The following EIF4E3 variants were observed in gnomAD, a reference collection of about 807,000 sequenced individuals.
EIF4E3 encodes eukaryotic translation initiation factor 4E family member 3.
In EIF4E3, 26 loss-of-function variants were observed where a neutral mutation model predicts 31.7. The ratio of observed to expected loss-of-function variants is 0.82; its 90% CI spans 0.60 to 1.14. EIF4E3 has a LOEUF of 1.14. EIF4E3 is among the 50% of genes most tolerant of loss of function. The probability of loss-of-function intolerance (pLI) is 0.00; values close to 1 mark genes in which losing one functional copy is unlikely to be tolerated. For missense variants in EIF4E3, 304 were observed against 270.9 expected (o/e 1.12, Z -0.86); for synonymous variants, 128 against 107.7 (o/e 1.19, Z -1.17).
the EIF4E3 span, among the ~76,000 whole-genome samples, chr3:71,661,824 G>C: frequency 6.6e-6 from 1 of 152,156 alleles, no homozygotes; most frequent in East Asian, 1.9e-4. Flanking sequence ...TGGATGGTGA[G>C]ATAATGCTTA....
the EIF4E3 span, among the ~76,000 whole-genome samples, chr3:71,669,315 T>C: frequency 6.6e-6 from 1 of 152,188 alleles, no homozygotes; most frequent in South Asian, 2.1e-4. Flanking sequence ...GACGGGTTGA[T>C]GGGTGTAGCA....
Position 71,690,115 on chromosome 3 carries a change from C to G in EIF4E3, c.523G>C (p.Val175Leu). ...SVSVRDREDV[V>L]QVWNVNASLV... is the part of the protein sequence containing the mutation. The stretch of plus-strand genomic sequence containing the variant: ...GAGGCATTTACATTCCAGACTTGGA[C>G]GACGTCTTCTCGGTCCCGAACACTG... The change falls in exon 6 of 7, where the codon GTC (valine) becomes CTC (leucine). Residue 175 changes from valine (V) to leucine (L), a missense_variant. Coordinates refer to ENST00000425534, the MANE Select transcript of EIF4E3 (RefSeq NM_001134651.2). The G allele has an allele frequency of 6.2e-7, 1 of 1,613,516 alleles. No homozygotes were observed.
Position 71,710,502 on chromosome 3 carries a change from G to C in EIF4E3, c.177-18C>G, listed in dbSNP as rs2049362942. 3.2e-6 allele frequency: 5 copies of C among 1,551,742 alleles called. No homozygotes were observed. The highest frequency in any genetic ancestry group is 2.4e-5 in the East Asian group (1 of 40,920). On this transcript the variant is annotated intron_variant, in intron 1 of 6. Coordinates refer to ENST00000425534, the MANE Select transcript of EIF4E3 (RefSeq NM_001134651.2). ...GGAGGGATCTAGGCAAGCAGGAGCA[G>C]GACAAAGACACAAACAAAACAAGCA...
intron 1 of EIF4E3, among the ~76,000 whole-genome samples, chr3:71,750,140 CTTT>C (rs1211897221): frequency 6.6e-6 from 1 of 152,192 alleles, no homozygotes; most frequent in Non-Finnish European, 1.5e-5. Context: ...AATGTCTCTT[CTTT>C]TGTGTCCTTT....
At chr3:71,728,883 A>G (rs947297873), upstream of EIF4E3, among the ~76,000 whole-genome samples, 1 of 152,246 alleles carries the variant, frequency 6.6e-6, no homozygotes, top group African/African-American at 2.4e-5. Context: ...AAAGGCCCAG[A>G]GAAGCTGGGT....
At chr3:71,703,231 C>T (rs1401185910) in intron 2 of EIF4E3, among the ~76,000 whole-genome samples, 1 of 152,182 alleles carries the variant, frequency 6.6e-6, no homozygotes, top group African/African-American at 2.4e-5. Context: ...CCTTGGGGAA[C>T]TTAGCTGAAT....
chr3:71,673,443 G>C (rs541220464), downstream of EIF4E3, among the ~76,000 whole-genome samples: 2 of 151,952 alleles, frequency 1.3e-5, no homozygotes, highest in East Asian at 3.9e-4. Context: ...CAGCCTCTGT[G>C]GTTACTGAAT....
downstream of EIF4E3, among the ~76,000 whole-genome samples, chr3:71,675,178 A>G (rs528493911): frequency 6.6e-6 from 1 of 152,276 alleles, no homozygotes; most frequent in African/African-American, 2.4e-5. Context: ...TGCAAACACA[A>G]ATAGTTAAAG....
chr3:71,729,083 CAT>C (rs1314633843), upstream of EIF4E3: 1 of 152,246 alleles, frequency 6.6e-6, no homozygotes, highest in Non-Finnish European at 1.5e-5. Flanking sequence ...CCTGAGCACT[CAT>C]ATGCAATTAG....
In EIF4E3 at chr3:71,680,481, A is replaced by C. The variant is rs2048910699; in HGVS notation, c.*4201T>G. On this transcript the variant is annotated 3_prime_UTR_variant, in exon 7 of 7. Transcript: ENST00000425534. Reference sequence around the variant, plus strand: ...TGAATGTTCTTTTAAAAATGGATTTATGTCAGCAACATGAAAGAATTTCTA... The same window carrying C: ...TGAATGTTCTTTTAAAAATGGATTTCTGTCAGCAACATGAAAGAATTTCTA... 6.6e-6 allele frequency: 1 copy of C among 152,210 alleles called. No homozygotes were observed. The highest frequency in any genetic ancestry group is 1.5e-5 in the Non-Finnish European group (1 of 68,034). 9.4% of individuals were successfully genotyped at this position (152,210 alleles called of 1,614,324 possible).
rs929661051 is a variant in EIF4E3 at position 71,725,358 on chromosome 3, G to A, written c.10C>T (p.Pro4Ser). The A allele has an allele frequency of 7.2e-6, 7 of 976,978 alleles. No individual in the cohort carries two copies. In the South Asian group the frequency reaches 1.4e-4, roughly 19 times the overall value. The allele number at this position is 976,978 out of a possible 1,614,324, so 60.5% of individuals were successfully genotyped here. The change falls in exon 1 of 7, where the codon CCC becomes TCC. Residue 4 changes from proline (P) to serine (S), a missense_variant. Pro to Ser is a moderately conservative substitution (Grantham distance 74). Coordinates refer to ENST00000425534, the MANE Select transcript of EIF4E3 (RefSeq NM_001134651.2). This position sits in a 1 kb window ranked among gnomAD's most constrained non-coding sequence, Gnocchi z 6.1. MALPPAAAPPAGAR... is the reference protein window; with the variant it reads MALSPAAAPPAGAR... ...CCGGCGGGGGGCGCGGCGGCCGGGG[G>A]CAGCGCCATTTTCTCCGCCCCGCCT...
chr3:71,728,858 T>C (rs2049670483), upstream of EIF4E3: 1 of 152,166 alleles, frequency 6.6e-6, no homozygotes, highest in African/African-American at 2.4e-5. Flanking sequence ...ACCTTCATTT[T>C]CCAAATGAGA....
Position 71,725,346 on chromosome 3 carries a change from C to G in EIF4E3, c.22G>C (p.Ala8Pro). Residue 8 changes from alanine (A) to proline (P), a missense_variant, in exon 1 of 7, where the codon GCG becomes CCG. Ala to Pro is a conservative substitution (Grantham distance 27). Transcript: ENST00000425534. This position sits in a 1 kb window ranked among gnomAD's most constrained non-coding sequence, Gnocchi z 6.1. MALPPAA[A>P]PPAGAREPPG... ...GGCTCCCGGGCCCCGGCGGGGGGCG[C>G]GGCGGCCGGGGGCAGCGCCATTTTC... 1.0e-6 allele frequency: 1 copy of G among 974,428 alleles called. No homozygotes were observed. The highest frequency in any genetic ancestry group is 1.2e-6 in the Non-Finnish European group (1 of 822,868). The allele number at this position is 974,428 out of a possible 1,614,324, so 60.4% of individuals were successfully genotyped here. A position where few individuals can be genotyped will look rare whatever the true frequency, so the allele number is the denominator to read the frequency against.
At chr3:71,699,471 C>T (rs1385211122) in intron 3 of EIF4E3, 143 bp downstream of exon 3, 1 of 746,736 alleles carries the variant, frequency 1.3e-6, no homozygotes, top group Non-Finnish European at 2.3e-6. Context: ...AGGACACTTA[C>T]CCCCAGACCC....
At chr3:71,665,369 A>G in the EIF4E3 span, among the ~76,000 whole-genome samples, 1 of 152,226 alleles carries the variant, frequency 6.6e-6, no homozygotes, top group Non-Finnish European at 1.5e-5. Context: ...TATAAATGTT[A>G]ACACTGACAG....
chr3:71,744,482 C>T (rs1467985935), intron 1 of EIF4E3, among the ~76,000 whole-genome samples: 2 of 152,188 alleles, frequency 1.3e-5, no homozygotes. Context: ...CACGGTGGCT[C>T]ATGCCTGTAA....
chr3:71,709,673 G>A (rs1203290504), intron 2 of EIF4E3, among the ~76,000 whole-genome samples: 7 of 152,122 alleles, frequency 4.6e-5, no homozygotes, highest in Non-Finnish European at 7.3e-5. Context: ...GAGCCACTAC[G>A]CCTGGCCAGT....
downstream of EIF4E3, among the ~76,000 whole-genome samples, chr3:71,672,697 C>G (rs1286749211): frequency 6.6e-6 from 1 of 152,168 alleles, no homozygotes; most frequent in Non-Finnish European, 1.5e-5. Context: ...GCTGCAAAGT[C>G]CAGGTCAGCG....
intron 1 of EIF4E3, among the ~76,000 whole-genome samples, chr3:71,711,970 G>C (rs527339818): frequency 1.8e-4 from 28 of 152,180 alleles, no homozygotes; most frequent in African/African-American, 5.5e-4. Flanking sequence ...GTGACAGAGC[G>C]AGACTCTGTC....
Sources: gnomAD v4.1 joint callset for allele counts (sites outside exome capture counted in the v4.1 genomes callset) on GRCh38, gnomAD v4.1.1 for gene constraint, Gnocchi (gnomAD v3.1) non-coding constraint, MANE v1.5 for transcripts, NCBI Gene and HGNC (gene_info 2026-07-23, HGNC 2026-07-21) for gene names.